GRM1: variants seen among roughly 807,000 people sequenced by gnomAD.
GRM1 encodes glutamate metabotropic receptor 1.
Under a neutral mutation model 90.9 loss-of-function variants are expected in GRM1, and 33 were observed. The ratio of observed to expected loss-of-function variants is 0.36; its 90% CI spans 0.28 to 0.49. The LOEUF (loss-of-function observed/expected upper bound fraction) is 0.49. GRM1 is among the 20% of genes least tolerant of loss of function. GRM1 has a pLI of 0.99. For synonymous variants in GRM1, 700 were observed against 613.2 expected (o/e 1.14, Z -2.09); for missense variants, 1,190 against 1,534.3 (o/e 0.78, Z 3.75).
chr6:146,109,766 G>T (rs925260279), intron 1 of GRM1, among the ~76,000 whole-genome samples: 1 of 152,322 alleles, frequency 6.6e-6, no homozygotes, highest in Admixed American at 6.5e-5. Context: ...ACCCTGCAAA[G>T]CTACAGGGGT....
intron 2 of GRM1, among the ~76,000 whole-genome samples, chr6:146,237,412 A>G (rs1286274275): frequency 2.7e-5 from 4 of 147,156 alleles, no homozygotes; most frequent in Non-Finnish European, 4.4e-5. Context: ...TTAAGAAACA[A>G]TGTGCTTTTG....
intron 1 of GRM1, among the ~76,000 whole-genome samples, chr6:146,066,408 T>C (rs1197814338): frequency 1.3e-5 from 2 of 152,216 alleles, no homozygotes; most frequent in African/African-American, 2.4e-5. Flanking sequence ...ATTTTTTTAA[T>C]GGTTGTATAG....
intron 2 of GRM1, among the ~76,000 whole-genome samples, chr6:146,275,327 C>A (rs559777969): frequency 6.6e-6 from 1 of 152,226 alleles, no homozygotes; most frequent in East Asian, 1.9e-4. Flanking sequence ...GAGGTAAGGG[C>A]ATCTAAGTGA....
intron 2 of GRM1, among the ~76,000 whole-genome samples, chr6:146,235,228 G>A (rs754599785): frequency 4.6e-5 from 7 of 151,582 alleles, no homozygotes; most frequent in Non-Finnish European, 7.4e-5. Context: ...TTTGTCTTTC[G>A]ACAGTTTAAA....
intron 6 of GRM1, among the ~76,000 whole-genome samples, chr6:146,395,784 A>T (rs1340039507): frequency 6.6e-6 from 1 of 152,166 alleles, no homozygotes; most frequent in African/African-American, 2.4e-5. Context: ...AAAATCTCTG[A>T]TGACAGAGTA....
In GRM1 at chr6:146,043,782, G is replaced by GATATATATATATAT. The variant is rs3064997; in HGVS notation, c.700+13581_700+13594dup. ...ACTCTATTTTTGGAAAGAGTCAGGTGATATATATATATATATATATATATA... is the reference window on the plus strand; with the variant it reads ...ACTCTATTTTTGGAAAGAGTCAGGTGATATATATATATATATATATATATATATATATATATATA... On this transcript the variant is annotated intron_variant, in intron 1 of 7. Transcript: ENST00000282753. Among the ~76,000 whole-genome samples, 279 of 89,898 alleles carry GATATATATATATAT rather than the reference G, an allele frequency of 3.1e-3. 3 individuals are homozygous for GATATATATATATAT. Among genetic ancestry groups the GATATATATATATAT allele is most frequent in the East Asian group, 7.8e-3 (28 of 3,606 alleles). 59.0% of individuals were successfully genotyped at this position (89,898 alleles called of 152,430 possible).
chr6:146,048,220 G>A (rs1307194718), intron 1 of GRM1, among the ~76,000 whole-genome samples: 1 of 151,986 alleles, frequency 6.6e-6, no homozygotes, highest in Non-Finnish European at 1.5e-5. Context: ...AGCAAATATT[G>A]TTTTGTTAAG....
chr6:146,206,190 T>C (rs1199571093), intron 2 of GRM1, among the ~76,000 whole-genome samples: 1 of 152,194 alleles, frequency 6.6e-6, no homozygotes, highest in Non-Finnish European at 1.5e-5. Flanking sequence ...CAGAAAGATG[T>C]AGTCAGGAGA....
At chr6:146,114,620 G>T (rs187241762) in intron 1 of GRM1, among the ~76,000 whole-genome samples, 32 of 152,180 alleles carry the variant, frequency 2.1e-4, no homozygotes, top group African/African-American at 6.7e-4. Context: ...TGGTAAAACT[G>T]TTTATTGTAC....
chr6:146,217,109 G>A (rs1218839783), intron 2 of GRM1, among the ~76,000 whole-genome samples: 3 of 152,174 alleles, frequency 2.0e-5, no homozygotes, highest in Non-Finnish European at 4.4e-5. Context: ...GAGAAGACAA[G>A]CATATATAAT....
chr6:146,175,930 T>G (rs907301801), intron 2 of GRM1, among the ~76,000 whole-genome samples: 2 of 152,140 alleles, frequency 1.3e-5, no homozygotes, highest in African/African-American at 4.8e-5. Context: ...ATTGTGGTTT[T>G]GGGGAAACCT....
At chr6:146,348,121 A>T (rs775849502) in intron 3 of GRM1, among the ~76,000 whole-genome samples, 1 of 152,242 alleles carries the variant, frequency 6.6e-6, no homozygotes, top group African/African-American at 2.4e-5. Flanking sequence ...ACAGAAAATG[A>T]TCATAAAATT....
At chr6:146,311,511 T>C (rs1331155357) in intron 3 of GRM1, among the ~76,000 whole-genome samples, 2 of 152,194 alleles carry the variant, frequency 1.3e-5, no homozygotes, top group Non-Finnish European at 1.5e-5. Context: ...AGGCACAATA[T>C]TGGCCTACCT....
intron 2 of GRM1, among the ~76,000 whole-genome samples, chr6:146,226,916 C>T (rs1780260252): frequency 6.6e-6 from 1 of 151,990 alleles, no homozygotes; most frequent in African/African-American, 2.4e-5. Flanking sequence ...ATTGTACCAT[C>T]GAGAGACAAA....
Position 146,077,132 on chromosome 6 carries a change from T to C in GRM1, c.700+46915T>C, listed in dbSNP as rs79867943. 5.8e-3 allele frequency among the ~76,000 whole-genome samples: 887 copies of C among 152,344 alleles called. 4 individuals are homozygous for C. Among genetic ancestry groups the C allele is most frequent in the Non-Finnish European group, 9.5e-3 (647 of 68,032 alleles). Reference sequence around the variant, plus strand: ...ATTAAATTTGTTATGGATTTTGTGATTGAAGCTACAGTATGGAGTGATGGA... The same window carrying C: ...ATTAAATTTGTTATGGATTTTGTGACTGAAGCTACAGTATGGAGTGATGGA... On this transcript the variant is annotated intron_variant, in intron 1 of 7. Transcript: ENST00000282753.
chr6:146,312,349 CAAAAAAAAAAAAAAA>C (rs1166008558), intron 3 of GRM1, among the ~76,000 whole-genome samples: 22 of 21,336 alleles, frequency 1.0e-3, no homozygotes, highest in South Asian at 3.6e-3. Flanking sequence ...AACTCCGTCT[CAAAAAAAAAAAAAAA>C]AAAAAAAAAA....
Position 146,357,653 on chromosome 6 carries a change from C to A in GRM1, c.1561C>A (p.Arg521=), listed in dbSNP as rs746660819. ...KIQMNKSGVV[R]SVCSEPCLKG... The stretch of plus-strand genomic sequence containing the variant: ...CCAGATGAACAAGAGTGGAGTGGTG[C>A]GGTCTGTGTGCAGTGAGCCTTGCTT... The change falls in exon 5 of 8, where the codon CGG becomes AGG. Residue 521 remains arginine, a synonymous_variant. Transcript: ENST00000282753. 3 of 1,613,868 alleles carry A rather than the reference C, an allele frequency of 1.9e-6. No individual in the cohort carries two copies. Among genetic ancestry groups the A allele is most frequent in the Admixed American group, 1.7e-5 (1 of 59,994 alleles).
chr6:146,322,570 C>CTTTATTTTATTTTATTTTATTTTAT (rs1554296827), intron 3 of GRM1, among the ~76,000 whole-genome samples: 8 of 109,928 alleles, frequency 7.3e-5, no homozygotes, highest in African/African-American at 4.6e-4. Flanking sequence ...GGGCTGCTGC[C>CTTTATTTTATTTTATTTTATTTTAT]TTTCTTTTAT....
At chr6:146,214,122 TC>T (rs1435787128) in intron 2 of GRM1, among the ~76,000 whole-genome samples, 7 of 152,130 alleles carry the variant, frequency 4.6e-5, no homozygotes, top group East Asian at 1.9e-4. Flanking sequence ...GGGTGGATCT[TC>T]CCCCAGGCAG....
Sources: gnomAD v4.1 joint callset for allele counts (sites outside exome capture counted in the v4.1 genomes callset) on GRCh38, gnomAD v4.1.1 for gene constraint, MANE v1.5 for transcripts, NCBI Gene and HGNC (gene_info 2026-07-23, HGNC 2026-07-21) for gene names.